CNTN5: variants seen among roughly 807,000 people sequenced by gnomAD.
The protein encoded by CNTN5 is contactin 5, also known as contactin-5.
CNTN5 carries 77 observed loss-of-function variants against 129.1 expected under a neutral mutation model. That is an observed-to-expected ratio of 0.60 (90% CI 0.50 to 0.72). CNTN5 has a LOEUF of 0.72. Among genes scored for constraint, CNTN5 ranks in the 30% least tolerant of loss-of-function variants. The pLI is 0.00. For synonymous variants in CNTN5, 509 were observed against 465.6 expected (o/e 1.09, Z -1.20); for missense variants, 1,478 against 1,328.8 (o/e 1.11, Z -1.75).
chr11:100,227,617 C>A (rs1949405944), intron 16 of CNTN5, among the ~76,000 whole-genome samples: 1 of 152,114 alleles, frequency 6.6e-6, no homozygotes, highest in Admixed American at 6.6e-5. Context: ...ATTTAATATT[C>A]AGTGAACCAG....
intron 1 of CNTN5, among the ~76,000 whole-genome samples, chr11:99,287,208 C>T (rs1463349250): frequency 6.6e-6 from 1 of 152,120 alleles, no homozygotes. Context: ...AACTTGTTGA[C>T]ATTCATATTT....
At chr11:99,665,578 T>A (rs1591445858) in intron 3 of CNTN5, among the ~76,000 whole-genome samples, 1 of 144,414 alleles carries the variant, frequency 6.9e-6, no homozygotes, top group Non-Finnish European at 1.5e-5. Flanking sequence ...CTCCACCTCC[T>A]GGGTTCAAGC....
chr11:99,452,372 G>GTTGTT (rs760063124), intron 2 of CNTN5, among the ~76,000 whole-genome samples: 4 of 104,358 alleles, frequency 3.8e-5, no homozygotes, highest in Non-Finnish European at 7.4e-5. Flanking sequence ...AAACACAGGT[G>GTTGTT]TTTTTTTTTT....
chr11:100,270,331 C>A (rs1336493942), intron 17 of CNTN5, among the ~76,000 whole-genome samples: 1 of 152,178 alleles, frequency 6.6e-6, no homozygotes, highest in African/African-American at 2.4e-5. Context: ...GCTCTACTGC[C>A]ATGCCTACAA....
intron 3 of CNTN5, among the ~76,000 whole-genome samples, chr11:99,675,336 G>T (rs1214342040): frequency 6.6e-6 from 1 of 152,092 alleles, no homozygotes; most frequent in Non-Finnish European, 1.5e-5. Context: ...GAAGTCATCT[G>T]TGGGAGGGGC....
intron 1 of CNTN5, among the ~76,000 whole-genome samples, chr11:99,143,006 CTG>C (rs1185852493): frequency 6.6e-6 from 1 of 152,136 alleles, no homozygotes; most frequent in African/African-American, 2.4e-5. Context: ...TGTCCCCACT[CTG>C]TCCACTCTCA....
At chr11:100,148,739 G>C (rs949072952) in intron 13 of CNTN5, among the ~76,000 whole-genome samples, 1 of 151,914 alleles carries the variant, frequency 6.6e-6, no homozygotes, top group Non-Finnish European at 1.5e-5. Context: ...AAACACGTGT[G>C]GATAATGGAA....
At chr11:99,433,808 G>A (rs1168959575) in intron 2 of CNTN5, among the ~76,000 whole-genome samples, 5 of 152,096 alleles carry the variant, frequency 3.3e-5, no homozygotes, top group South Asian at 2.1e-4. Context: ...TCTCTTGAAA[G>A]TTTTTTAAAG....
intron 1 of CNTN5, among the ~76,000 whole-genome samples, chr11:99,066,017 C>T (rs1370713725): frequency 6.6e-6 from 1 of 152,086 alleles, no homozygotes; most frequent in Non-Finnish European, 1.5e-5. Flanking sequence ...AATTAGCATA[C>T]ACATAAAATG....
chr11:99,690,626 T>G (rs1427643393), intron 3 of CNTN5, among the ~76,000 whole-genome samples: 1 of 152,116 alleles, frequency 6.6e-6, no homozygotes, highest in African/African-American at 2.4e-5. Flanking sequence ...TTCTACTTGT[T>G]TGTGTCATCT....
chr11:99,414,863 G>A (rs1423613194), intron 2 of CNTN5, among the ~76,000 whole-genome samples: 2 of 152,166 alleles, frequency 1.3e-5, no homozygotes, highest in African/African-American at 2.4e-5. Context: ...TCAGAGTAAG[G>A]ATACTGAATA....
intron 3 of CNTN5, among the ~76,000 whole-genome samples, chr11:99,626,202 A>T (rs1171959985): frequency 2.0e-5 from 3 of 152,038 alleles, no homozygotes; most frequent in Non-Finnish European, 2.9e-5. Flanking sequence ...ATGGATGGGG[A>T]TTAATTCAGC....
chr11:100,222,346 T>C (rs1042469776), intron 15 of CNTN5, among the ~76,000 whole-genome samples: 1 of 152,196 alleles, frequency 6.6e-6, no homozygotes, highest in East Asian at 1.9e-4. Context: ...AGATAATCTA[T>C]ATCTCGCTCT....
At chr11:99,679,776 G>T (rs1204442829) in intron 3 of CNTN5, among the ~76,000 whole-genome samples, 1 of 152,238 alleles carries the variant, frequency 6.6e-6, no homozygotes, top group Non-Finnish European at 1.5e-5. Context: ...ACTTAGGCGG[G>T]CATGGCGAAA....
chr11:99,919,503 A>G (rs1328812438), intron 7 of CNTN5, among the ~76,000 whole-genome samples: 1 of 152,120 alleles, frequency 6.6e-6, no homozygotes, highest in Non-Finnish European at 1.5e-5. Flanking sequence ...TTGTCTTTAT[A>G]TACTCTATCC....
chr11:99,628,881 A>G (rs1017627163), intron 3 of CNTN5, among the ~76,000 whole-genome samples: 1 of 152,110 alleles, frequency 6.6e-6, no homozygotes, highest in Non-Finnish European at 1.5e-5. Context: ...TGTAAAAGCT[A>G]TAACCAGTTC....
At chr11:99,596,497 A>G (rs1391003051) in intron 3 of CNTN5, among the ~76,000 whole-genome samples, 2 of 152,192 alleles carry the variant, frequency 1.3e-5, no homozygotes, top group African/African-American at 4.8e-5. Flanking sequence ...CATCTCATAA[A>G]CACCCACTAA....
intron 4 of CNTN5, among the ~76,000 whole-genome samples, chr11:99,821,219 CTTTG>C (rs1946791430): frequency 6.6e-6 from 1 of 152,080 alleles, no homozygotes; most frequent in Non-Finnish European, 1.5e-5. Context: ...TGTTCTGCCT[CTTTG>C]TTCTCTTGTA....
At chr11:100,262,143 C>A (rs1377925538) in intron 17 of CNTN5, among the ~76,000 whole-genome samples, 1 of 152,134 alleles carries the variant, frequency 6.6e-6, no homozygotes, top group African/African-American at 2.4e-5. Context: ...AGGATATGAA[C>A]AGACACTTCC....
Sources: allele counts gnomAD v4.1 joint callset (sites outside exome capture counted in the v4.1 genomes callset), GRCh38; gene constraint gnomAD v4.1.1; transcripts MANE v1.5; gene names NCBI Gene and HGNC (gene_info 2026-07-23, HGNC 2026-07-21).